The following COL24A1 variants were observed in gnomAD, a reference collection of about 807,000 sequenced individuals.
COL24A1 encodes the protein collagen alpha-1(XXIV) chain.
In COL24A1, 224 loss-of-function variants were observed where a neutral mutation model predicts 253.9. That is an observed-to-expected ratio of 0.88 (90% CI 0.79 to 0.99). The LOEUF (loss-of-function observed/expected upper bound fraction) is 0.99. Among genes scored for constraint, COL24A1 ranks in the 50% least tolerant of loss-of-function variants. The pLI, the probability that COL24A1 is intolerant of heterozygous loss-of-function variation, is 0.00. For missense variants in COL24A1, 2,131 were observed against 2,068.5 expected (o/e 1.03, Z -0.59); for synonymous variants, 685 against 673.7 (o/e 1.02, Z -0.26).
intron 12 of COL24A1, chr1:86,045,758 T>C: frequency 2.8e-6 from 1 of 360,762 alleles, no homozygotes; most frequent in Non-Finnish European, 5.5e-6. Flanking sequence ...AATGTTTGGC[T>C]TATTTTGTAT....
intron 7 of COL24A1, among the ~76,000 whole-genome samples, chr1:86,077,695 G>A (rs530517920): frequency 6.6e-6 from 1 of 152,254 alleles, no homozygotes; most frequent in African/African-American, 2.4e-5. Flanking sequence ...GCAGGGACAT[G>A]GATGAAGCTG....
rs538536640 is a variant in COL24A1, at chr1:86,039,883, T to A, written c.1951-5960A>T. On this transcript the variant is annotated intron_variant, in intron 12 of 59. Transcript: ENST00000370571. ...TGTGATGATCTAATCTTTTCACCCT[T>A]CTTTTCCTCACAGCAAGGACAATTT... is the stretch of plus-strand genomic sequence containing the variant. Among the ~76,000 whole-genome samples, 7 of 152,294 alleles carry A rather than the reference T, an allele frequency of 4.6e-5. No individual in the cohort carries two copies. In the East Asian group the frequency reaches 1.3e-3, roughly 29 times the overall value.
intron 35 of COL24A1, among the ~76,000 whole-genome samples, chr1:85,873,978 T>A (rs966824888): frequency 6.6e-6 from 1 of 152,144 alleles, no homozygotes; most frequent in Non-Finnish European, 1.5e-5. Flanking sequence ...AATTAGTGCA[T>A]ATTTATAGTT....
chr1:86,092,180 A>T, intron 6 of COL24A1, 87 bp downstream of exon 6: 1 of 1,000,840 alleles, frequency 1.0e-6, no homozygotes, highest in Non-Finnish European at 1.5e-6. Context: ...TGTCTGATAC[A>T]GTAAAATCTA....
intron 39 of COL24A1, among the ~76,000 whole-genome samples, chr1:85,844,106 A>G (rs1403071781): frequency 6.6e-6 from 1 of 152,024 alleles, no homozygotes; most frequent in Non-Finnish European, 1.5e-5. Flanking sequence ...ATTAGCCCCA[A>G]AAAAGGAAAA....
intron 57 of COL24A1, among the ~76,000 whole-genome samples, chr1:85,742,448 C>T (rs546393822): frequency 6.6e-6 from 1 of 152,068 alleles, no homozygotes; most frequent in Non-Finnish European, 1.5e-5. Flanking sequence ...TCATTTCTTC[C>T]TTTACTTACT....
intron 19 of COL24A1, among the ~76,000 whole-genome samples, chr1:86,008,820 T>C: frequency 6.6e-6 from 1 of 151,320 alleles, no homozygotes; most frequent in East Asian, 1.9e-4. Context: ...CATTGAAAAA[T>C]CAACAGTCTT....
At chr1:86,013,365 A>T (rs1164860212) in intron 19 of COL24A1, among the ~76,000 whole-genome samples, 1 of 152,146 alleles carries the variant, frequency 6.6e-6, no homozygotes, top group Non-Finnish European at 1.5e-5. Flanking sequence ...ATGAATTGCT[A>T]CCCTCCTTTT....
intron 19 of COL24A1, among the ~76,000 whole-genome samples, chr1:86,003,165 C>T (rs1350137553): frequency 6.6e-6 from 1 of 152,122 alleles, no homozygotes; most frequent in East Asian, 1.9e-4. Flanking sequence ...GCAGAAAATA[C>T]TATGCTTTTT....
In COL24A1 at chr1:86,020,295, T is replaced by C. The variant is rs531764578; in HGVS notation, c.2256+1945A>G. ...GTTGGTCAGGGTGGTCTCGAACTCC[T>C]GACCTCGTGATCCACCCACCTCAGC... On this transcript the variant is annotated intron_variant, in intron 18 of 59. Coordinates refer to ENST00000370571, the MANE Select transcript of COL24A1 (RefSeq NM_152890.7). Among the ~76,000 whole-genome samples the C allele has an allele frequency of 1.5e-3, 230 of 152,154 alleles. 1 individual carries two copies. Among genetic ancestry groups the C allele is most frequent in the Non-Finnish European group, 2.1e-3 (142 of 67,976 alleles).
At chr1:86,047,700 AT>A (rs1184121647) in intron 11 of COL24A1, among the ~76,000 whole-genome samples, 3 of 151,970 alleles carry the variant, frequency 2.0e-5, no homozygotes, top group East Asian at 3.8e-4. Flanking sequence ...ATTTATTAAA[AT>A]TTTTTATATA....
chr1:86,112,745 G>A, intron 4 of COL24A1, 125 bp from the exon 5 acceptor site: 2 of 801,562 alleles, frequency 2.5e-6, no homozygotes, highest in Non-Finnish European at 3.9e-6. Flanking sequence ...ATGTTATTAT[G>A]TATGCCTTAA....
intron 47 of COL24A1, among the ~76,000 whole-genome samples, chr1:85,807,731 G>A (rs1264462719): frequency 6.6e-6 from 1 of 152,096 alleles, no homozygotes; most frequent in Non-Finnish European, 1.5e-5. Context: ...TTCTCTTTGA[G>A]AAAAAACACT....
chr1:85,765,351 G>GTTT, intron 53 of COL24A1, among the ~76,000 whole-genome samples: 1 of 95,974 alleles, frequency 1.0e-5, no homozygotes, highest in Non-Finnish European at 2.5e-5. Flanking sequence ...ATTGTTCTCT[G>GTTT]TTTTTTTTTA....
chr1:85,784,405 A>T (rs751472017), intron 48 of COL24A1, 39 bp from the exon 49 acceptor site: 2 of 1,434,602 alleles, frequency 1.4e-6, no homozygotes, highest in Non-Finnish European at 2.0e-6. Flanking sequence ...TTACATCAGA[A>T]CATATAAACA....
At position 85,987,653 on chromosome 1, in the gene COL24A1, C is replaced by T; in HGVS notation, c.2312G>A (p.Gly771Asp). 6.2e-7 allele frequency: 1 copy of T among 1,607,478 alleles called. No homozygotes were observed. The highest frequency in any genetic ancestry group is 1.1e-5 in the South Asian group (1 of 89,844). Reference protein sequence around the residue: ...QGPSGPPGPEGFPGDIGIPGQ... With the variant: ...QGPSGPPGPEDFPGDIGIPGQ... ...AGGAATCCCAATATCTCCTGGAAAA[C>T]CCTAGGGAATATAAAAATGTAGCGT... Residue 771 changes from glycine (G) to aspartate (D), a missense_variant and splice_region_variant, in exon 20 of 60, where the codon GGT (glycine) becomes GAT (aspartate). Physicochemically the swap from Gly to Asp is moderately conservative, Grantham distance 94. Transcript: ENST00000370571.
intron 24 of COL24A1, among the ~76,000 whole-genome samples, chr1:85,954,279 C>T (rs1690217825): frequency 6.6e-6 from 1 of 152,160 alleles, no homozygotes; most frequent in African/African-American, 2.4e-5. Context: ...CGTGGTTTTT[C>T]AGAATAGCTT....
chr1:85,745,247 A>G (rs1452841911), intron 56 of COL24A1, among the ~76,000 whole-genome samples, 194 bp downstream of exon 56: 1 of 152,108 alleles, frequency 6.6e-6, no homozygotes, highest in Non-Finnish European at 1.5e-5. Flanking sequence ...TTTTCCTTAC[A>G]AAACATCCTA....
intron 35 of COL24A1, among the ~76,000 whole-genome samples, chr1:85,871,107 A>G (rs1680424945): frequency 1.3e-5 from 2 of 152,244 alleles, no homozygotes; most frequent in Admixed American, 1.3e-4. Flanking sequence ...GAAGAAATTG[A>G]TAAATTCCTG....
Sources: gnomAD v4.1 joint callset for allele counts (sites outside exome capture counted in the v4.1 genomes callset) on GRCh38, gnomAD v4.1.1 for gene constraint, MANE v1.5 for transcripts, NCBI Gene and HGNC (gene_info 2026-07-23, HGNC 2026-07-21) for gene names.